The following ZFP62 variants were observed in gnomAD, a reference collection of about 807,000 sequenced individuals.
ZFP62 encodes zinc finger protein 62 homolog.
Under a neutral mutation model 56.4 loss-of-function variants are expected in ZFP62, and 44 were observed. The ratio of observed to expected loss-of-function variants is 0.78; its 90% CI spans 0.61 to 1.00. The LOEUF is 1.00. Ranked by LOEUF, ZFP62 falls within the 50% of genes least tolerant of loss-of-function variation. The pLI is 0.00. For missense variants in ZFP62, 1,030 were observed against 1,085.7 expected, an observed-to-expected ratio of 0.95 and a Z score of 0.72; for synonymous variants, 421 against 388.9, an observed-to-expected ratio of 1.08 and a Z score of -0.97.
the ZFP62 span, among the ~76,000 whole-genome samples, chr5:180,834,033 G>C: frequency 0.21 from 31,876 of 151,982 alleles, 4,694 homozygotes; most frequent in African/African-American, 0.42. Flanking sequence ...ATGCTCGTCT[G>C]CCCCCAAAGT....
chr5:180,829,481 G>C, the ZFP62 span, among the ~76,000 whole-genome samples: 9 of 152,174 alleles, frequency 5.9e-5, no homozygotes, highest in Admixed American at 1.3e-4. Context: ...TGTCACCCCC[G>C]GTGGCCCAGC....
chr5:180,856,158 C>G (rs1773958427), intron 1 of ZFP62, among the ~76,000 whole-genome samples: 1 of 152,232 alleles, frequency 6.6e-6, no homozygotes, highest in South Asian at 2.1e-4. Context: ...TAGGTGAAGG[C>G]CAGGGGCCTC....
chr5:180,850,433 C>T lies in ZFP62; in HGVS notation c.1062G>A (p.Gln354=), dbSNP rs762317676. 5 of 1,555,228 alleles carry T rather than the reference C, an allele frequency of 3.2e-6. No homozygotes were observed. The East Asian group carries it at 7.3e-5, about 23-fold the overall frequency. The part of the protein sequence containing the change: ...KSFNYSSLLI[Q]HKVIHTGEKP... ...TCTCTCCAGTGTGGATGACTTTATG[C>T]TGAATGAGAAGAGAGCTATAATTAA... Residue 354 remains glutamine, a synonymous_variant, in exon 2 of 2, where the codon CAG becomes CAA. Coordinates refer to ENST00000502412, the MANE Select transcript of ZFP62 (RefSeq NM_001172638.2).
intron 1 of ZFP62, chr5:180,852,160 C>T: frequency 1.8e-5 from 5 of 273,728 alleles, no homozygotes; most frequent in Non-Finnish European, 2.8e-5. Flanking sequence ...CAGACATTGT[C>T]CCAGGTAGAC....
intron 1 of ZFP62, 28 bp from the exon 2 acceptor site, chr5:180,851,521 T>C (rs1773711755): frequency 3.4e-6 from 5 of 1,488,552 alleles, no homozygotes; most frequent in Non-Finnish European, 3.6e-6. Context: ...AAAGGACACC[T>C]ATTCACTCTC....
At chr5:180,831,731 C>G in the ZFP62 span, 3 of 152,878 alleles carry the variant, frequency 2.0e-5, no homozygotes, top group East Asian at 5.8e-4. Context: ...CTACCCGGTC[C>G]GCAGGGCACC....
At chr5:180,844,909 C>T (rs535369211), downstream of ZFP62, among the ~76,000 whole-genome samples, 53 of 152,312 alleles carry the variant, frequency 3.5e-4, no homozygotes, top group African/African-American at 1.0e-3. Flanking sequence ...ACACTTCAGA[C>T]TTATTCCATA....
the ZFP62 span, among the ~76,000 whole-genome samples, chr5:180,827,383 A>G: frequency 6.6e-5 from 10 of 152,086 alleles, no homozygotes; most frequent in Non-Finnish European, 1.2e-4. Flanking sequence ...GATTCTGTTA[A>G]TCTGTGACCT....
the ZFP62 span, among the ~76,000 whole-genome samples, chr5:180,837,065 C>T: frequency 6.6e-6 from 1 of 152,356 alleles, no homozygotes; most frequent in Admixed American, 6.5e-5. Flanking sequence ...CCGCCTGCTT[C>T]CCAGAGCAAT....
chr5:180,845,695 T>C (rs1773397464), downstream of ZFP62: 1 of 985,106 alleles, frequency 1.0e-6, no homozygotes, highest in Non-Finnish European at 1.2e-6. Context: ...GGTACAGCTG[T>C]GGCCAATTAC....
chr5:180,850,538 A>C lies in ZFP62; in HGVS notation c.957T>G (p.Ile319Met). 1 of 1,554,570 alleles carries C rather than the reference A, an allele frequency of 6.4e-7. No individual in the cohort carries two copies. ...YECDECGKAFITCRTLLNHKS... is the reference protein window; with the variant it reads ...YECDECGKAFMTCRTLLNHKS... ...TATGGTTGAGAAGTGTTCTACAAGT[A>C]ATGAAGGCCTTCCCACACTCATCAC... Residue 319 changes from isoleucine to methionine, a missense_variant, in exon 2 of 2, where the codon ATT becomes ATG. Ile to Met is a conservative substitution (Grantham distance 10). Transcript: ENST00000502412.
chr5:180,829,397 C>A, the ZFP62 span, among the ~76,000 whole-genome samples: 1 of 152,236 alleles, frequency 6.6e-6, no homozygotes, highest in Admixed American at 6.5e-5. Flanking sequence ...ACACTCCCTC[C>A]CCTTTTGAAA....
chr5:180,848,544 T>G lies in ZFP62; in HGVS notation c.*248A>C. On this transcript the variant is annotated 3_prime_UTR_variant, in exon 2 of 2. Coordinates refer to ENST00000502412, the MANE Select transcript of ZFP62 (RefSeq NM_001172638.2). ...CTGATTTTGAAGATTTGCTTCACAT[T>G]CCATCACTCAGATCTAAGTTTTTCT... The G allele has an allele frequency of 8.3e-7, 1 of 1,205,222 alleles. No homozygotes were observed. Among genetic ancestry groups the G allele is most frequent in the Non-Finnish European group, 1.0e-6 (1 of 969,058 alleles). 74.7% of individuals were successfully genotyped at this position (1,205,222 alleles called of 1,614,324 possible).
the ZFP62 span, among the ~76,000 whole-genome samples, chr5:180,833,610 G>A: frequency 1.3e-5 from 2 of 151,648 alleles, no homozygotes; most frequent in East Asian, 1.9e-4. Context: ...CTGGCACCAC[G>A]ATCTCAGACT....
chr5:180,856,916 G>A (rs1774013470), intron 1 of ZFP62, among the ~76,000 whole-genome samples: 1 of 130,384 alleles, frequency 7.7e-6, no homozygotes, highest in Admixed American at 9.3e-5. Flanking sequence ...TCGTGCCACT[G>A]CACTCCAGCC....
At chr5:180,847,518 T>C (rs1581956780), downstream of ZFP62, 3 of 897,132 alleles carry the variant, frequency 3.3e-6, no homozygotes, top group African/African-American at 1.8e-5. Context: ...ATGAGTCTAC[T>C]ACCCTCTCTG....
At position 180,850,351 on chromosome 5, in the gene ZFP62, C is replaced by G; in HGVS notation, c.1144G>C (p.Val382Leu). Residue 382 changes from valine to leucine, a missense_variant, in exon 2 of 2, where the codon GTG becomes CTG. Val to Leu is a conservative substitution (Grantham distance 32). Transcript: ENST00000502412. ...KAFRNSSGLIVHKRIHTGEKP... is the reference protein window; with the variant it reads ...KAFRNSSGLILHKRIHTGEKP... ...TCTCCTGTGTGGATCCTTTTATGCACTATGAGGCCTGAGCTGTTCCTGAAA... is the reference window on the plus strand; with the variant it reads ...TCTCCTGTGTGGATCCTTTTATGCAGTATGAGGCCTGAGCTGTTCCTGAAA... The G allele has an allele frequency of 6.4e-7, 1 of 1,568,974 alleles. No homozygotes were observed. Among genetic ancestry groups the G allele is most frequent in the Non-Finnish European group, 8.6e-7 (1 of 1,157,118 alleles).
At chr5:180,838,357 T>C in the ZFP62 span, among the ~76,000 whole-genome samples, 1 of 152,108 alleles carries the variant, frequency 6.6e-6, no homozygotes, top group Non-Finnish European at 1.5e-5. Flanking sequence ...AGGGCAATTT[T>C]GAAAAGTCAT....
chr5:180,858,259 AAAAAAAAAAAAAAAAAAAAG>A (rs1182413496), intron 1 of ZFP62, among the ~76,000 whole-genome samples: 1 of 36,746 alleles, frequency 2.7e-5, no homozygotes, highest in Non-Finnish European at 4.9e-5. Flanking sequence ...CTCTGTCTCA[AAAAAAAAAAAAAAAAAAAAG>A]AAAAAAAGAA....
Sources: allele counts gnomAD v4.1 joint callset (sites outside exome capture counted in the v4.1 genomes callset), GRCh38; gene constraint gnomAD v4.1.1; transcripts MANE v1.5; gene names NCBI Gene and HGNC (gene_info 2026-07-23, HGNC 2026-07-21).